The following FN1 variants were observed in gnomAD, a reference collection of about 807,000 sequenced individuals.
FN1 encodes the protein fibronectin 1.
FN1 carries 106 observed loss-of-function variants against 297.3 expected under a neutral mutation model. The observed-to-expected ratio is 0.36, with a 90% CI of 0.30 to 0.42. The LOEUF (loss-of-function observed/expected upper bound fraction) is 0.42. Ranked by LOEUF, FN1 falls within the 10% of genes least tolerant of loss-of-function variation. The probability of loss-of-function intolerance (pLI) is 1.00; values close to 1 mark genes in which losing one functional copy is unlikely to be tolerated. For missense variants in FN1, 2,690 were observed against 3,124.9 expected, an observed-to-expected ratio of 0.86 and a Z score of 3.32; for synonymous variants, 1,149 against 1,152.6, an observed-to-expected ratio of 1.00 and a Z score of 0.06.
intron 26 of FN1, 136 bp downstream of exon 26, chr2:215,391,496 T>C (rs112649714): frequency 1.4e-5 from 10 of 735,204 alleles, no homozygotes; most frequent in African/African-American, 5.2e-5. Context: ...TTAATGGAGC[T>C]GTGCATTGAA....
chr2:215,405,267 C>T (rs985769923), intron 19 of FN1, among the ~76,000 whole-genome samples: 4 of 152,046 alleles, frequency 2.6e-5, no homozygotes, highest in Non-Finnish European at 5.9e-5. Context: ...GTTTTCCCAC[C>T]GAAATTTAAA....
intron 34 of FN1, 59 bp from the exon 35 acceptor site, chr2:215,378,321 T>C: frequency 2.3e-6 from 2 of 876,646 alleles, no homozygotes; most frequent in Non-Finnish European, 3.9e-6. Context: ...CCCAAGGAGT[T>C]TCACTACAGC....
Position 215,406,548 on chromosome 2 carries a change from G to A in FN1, c.2714-38C>T, listed in dbSNP as rs866422093. ...AGTCAACTGGTCATTCACATTCTCT[G>A]CTGAAGATTACTTTTAAGAAGCCAG... On this transcript the variant is annotated intron_variant, in intron 18 of 45. Coordinates refer to ENST00000354785, the MANE Select transcript of FN1 (RefSeq NM_212482.4). 6 of 1,605,710 alleles carry A rather than the reference G, an allele frequency of 3.7e-6. No homozygotes were observed. In the Middle Eastern group the frequency reaches 6.6e-4, roughly 177 times the overall value.
intron 26 of FN1, among the ~76,000 whole-genome samples, chr2:215,390,542 C>T (rs1968509): frequency 0.93 from 141,527 of 152,166 alleles, 65,947 homozygotes; most frequent in East Asian, 1. Context: ...AGGGGCTACC[C>T]TGAGGTCATC....
At chr2:215,413,445 C>T (rs1439538843) in intron 13 of FN1, among the ~76,000 whole-genome samples, 2 of 152,216 alleles carry the variant, frequency 1.3e-5, no homozygotes, top group Non-Finnish European at 2.9e-5. Flanking sequence ...TACATTCCTC[C>T]ACCTGATTGT....
rs1274096191 is a variant in FN1 at position 215,384,041 on chromosome 2, T to C, written c.4873A>G (p.Ile1625Val). ...RGDSPASSKP[I>V]SINYRTEIDK... ...GTACCTGTTCGGTAATTAATGGAAA[T>C]TGGCTTGCTGCTTGCGGGGCTGTCT... The change falls in exon 30 of 46, where the codon ATT becomes GTT. Residue 1625 changes from isoleucine to valine, a missense_variant. Ile to Val is a conservative substitution (Grantham distance 29). Transcript: ENST00000354785. 11 of 1,614,038 alleles carry C rather than the reference T, an allele frequency of 6.8e-6. No homozygotes were observed. In the African/African-American group the frequency reaches 1.3e-4, roughly 20 times the overall value.
intron 26 of FN1, among the ~76,000 whole-genome samples, chr2:215,388,755 G>A (rs910517710): frequency 5.9e-5 from 9 of 152,098 alleles, no homozygotes; most frequent in African/African-American, 2.2e-4. Context: ...TTAAAGTGAT[G>A]GGTTTTTACA....
intron 40 of FN1, among the ~76,000 whole-genome samples, chr2:215,371,013 T>C (rs1250140405): frequency 1.3e-5 from 2 of 152,242 alleles, no homozygotes; most frequent in South Asian, 4.1e-4. Flanking sequence ...CTCATGCTTG[T>C]AGTCCCAGCA....
At position 215,430,736 on chromosome 2, in the gene FN1, G is replaced by A. The variant is rs748170344; in HGVS notation, c.664C>T (p.Arg222Cys). 2.5e-6 allele frequency: 4 copies of A among 1,613,878 alleles called. No individual in the cohort carries two copies. Among genetic ancestry groups the A allele is most frequent in the Admixed American group, 1.7e-5 (1 of 59,980 alleles). The change falls in exon 5 of 46, where the codon CGC (arginine) becomes TGC (cysteine). Residue 222 changes from arginine to cysteine, a missense_variant. Arg to Cys is a radical substitution (Grantham distance 180). This residue lies in a region of FN1 where 876 missense variants were observed against 1,058.1 expected (regional missense o/e 0.83). Coordinates refer to ENST00000354785, the MANE Select transcript of FN1 (RefSeq NM_212482.4). ...ATACTTCTAGAAGTGCAAGTGATGC[G>A]TCCGCTGCCTTCTCCCAGGCAAGTA... ...DCTCLGEGSG[R>C]ITCTSRNRCN...
chr2:215,421,917 A>G (rs1307619906), intron 10 of FN1, among the ~76,000 whole-genome samples, 174 bp downstream of exon 10: 1 of 152,206 alleles, frequency 6.6e-6, no homozygotes, highest in Admixed American at 6.5e-5. Flanking sequence ...TTGTCTTAGC[A>G]GGCTGCCTGC....
intron 6 of FN1, among the ~76,000 whole-genome samples, chr2:215,426,902 G>A (rs1196706768): frequency 6.6e-6 from 1 of 151,320 alleles, no homozygotes; most frequent in Non-Finnish European, 1.5e-5. Flanking sequence ...TTGAGATGGG[G>A]TCTCGCTGTA....
At chr2:215,415,909 G>T (rs1296243082) in intron 12 of FN1, among the ~76,000 whole-genome samples, 1 of 152,072 alleles carries the variant, frequency 6.6e-6, no homozygotes, top group Non-Finnish European at 1.5e-5. Context: ...GTCAGTCAAT[G>T]TTTAAATTAC....
chr2:215,429,674 G>A lies in FN1; in HGVS notation c.685+1041C>T, dbSNP rs561563552. On this transcript the variant is annotated intron_variant, in intron 5 of 45. Transcript: ENST00000354785. Reference sequence around the variant, plus strand: ...GAAATCTTTAATACTGTGTTTTGCAGATGATAAATATGTATAAGACTTTCT... The same window carrying A: ...GAAATCTTTAATACTGTGTTTTGCAAATGATAAATATGTATAAGACTTTCT... Among the ~76,000 whole-genome samples the A allele has an allele frequency of 2.0e-5, 3 of 152,282 alleles. No homozygotes were observed. The East Asian group carries it at 5.8e-4, about 29-fold the overall frequency.
At chr2:215,408,544 G>T in intron 15 of FN1, 118 bp from the exon 16 acceptor site, 1 of 962,616 alleles carries the variant, frequency 1.0e-6, no homozygotes, top group Non-Finnish European at 1.7e-6. Flanking sequence ...CGACTAGAAG[G>T]TAATGTGCTA....
intron 21 of FN1, 79 bp downstream of exon 21, chr2:215,399,178 G>C: frequency 9.4e-7 from 1 of 1,061,660 alleles, no homozygotes; most frequent in Non-Finnish European, 1.5e-6. Flanking sequence ...TGACTCCTGA[G>C]CACCCTGTTT....
intron 27 of FN1, among the ~76,000 whole-genome samples, chr2:215,387,853 G>T (rs2059220790): frequency 6.6e-6 from 1 of 152,176 alleles, no homozygotes; most frequent in South Asian, 2.1e-4. Context: ...ATGTAAACTT[G>T]CTGGCTTAGT....
chr2:215,397,924 A>G (rs1333604401), intron 21 of FN1, 76 bp from the exon 22 acceptor site: 7 of 1,280,374 alleles, frequency 5.5e-6, no homozygotes, highest in African/African-American at 4.4e-5. Flanking sequence ...GGCTATGATT[A>G]TGCTTTAAAT....
Position 215,361,173 on chromosome 2 carries a change from G to A in FN1, c.*382C>T, listed in dbSNP as rs2053383570. 8.2e-6 allele frequency: 2 copies of A among 244,206 alleles called. No homozygotes were observed. The highest frequency in any genetic ancestry group is 4.5e-5 in the African/African-American group (2 of 44,456). 15.1% of individuals were successfully genotyped at this position (244,206 alleles called of 1,614,324 possible). On this transcript the variant is annotated 3_prime_UTR_variant, in exon 46 of 46. Transcript: ENST00000354785. Reference sequence around the variant, plus strand: ...AGTATTGCGGGCCAGACACTTAAGTGAAAGCAGAAGTGTTTGGGTGACTTT... The same window carrying A: ...AGTATTGCGGGCCAGACACTTAAGTAAAAGCAGAAGTGTTTGGGTGACTTT...
At chr2:215,404,865 A>G (rs2061573783) in intron 19 of FN1, among the ~76,000 whole-genome samples, 1 of 152,194 alleles carries the variant, frequency 6.6e-6, no homozygotes, top group South Asian at 2.1e-4. Context: ...TTGTGGAACC[A>G]TTTTGCTTGA....
Sources: gnomAD v4.1 joint callset for allele counts (sites outside exome capture counted in the v4.1 genomes callset) on GRCh38, gnomAD v4.1.1 for gene constraint, gnomAD v4.1.1 regional missense constraint, MANE v1.5 for transcripts, NCBI Gene and HGNC (gene_info 2026-07-23, HGNC 2026-07-21) for gene names.